The following MACROD2 variants were observed in gnomAD, a reference collection of about 807,000 sequenced individuals.
MACROD2 encodes mono-ADP ribosylhydrolase 2, also known as ADP-ribose glycohydrolase MACROD2.
Under a neutral mutation model 70.4 loss-of-function variants are expected in MACROD2, and 36 were observed. The observed-to-expected ratio is 0.51, with a 90% CI of 0.39 to 0.68. The LOEUF (loss-of-function observed/expected upper bound fraction) is 0.68, where lower values mean the gene tolerates loss of function less well. Ranked by LOEUF, MACROD2 falls within the 30% of genes least tolerant of loss-of-function variation. The probability of loss-of-function intolerance (pLI) is 0.00; values close to 1 mark genes in which losing one functional copy is unlikely to be tolerated. For synonymous variants in MACROD2, 172 were observed against 178.8 expected (o/e 0.96, Z 0.30); for missense variants, 496 against 538.4 (o/e 0.92, Z 0.78).
chr20:14,239,565 A>G (rs187730220), intron 3 of MACROD2, among the ~76,000 whole-genome samples: 1 of 152,316 alleles, frequency 6.6e-6, no homozygotes, highest in Admixed American at 6.5e-5. Context: ...AATGCCATAT[A>G]CCTACAACCA....
chr20:14,643,522 G>T (rs1219409278), intron 4 of MACROD2, among the ~76,000 whole-genome samples: 1 of 152,162 alleles, frequency 6.6e-6, no homozygotes, highest in Non-Finnish European at 1.5e-5. Flanking sequence ...ATTAAGACAG[G>T]CTTGATGAGC....
chr20:15,963,308 A>T (rs2066090887), intron 12 of MACROD2, among the ~76,000 whole-genome samples: 1 of 152,152 alleles, frequency 6.6e-6, no homozygotes, highest in Non-Finnish European at 1.5e-5. Context: ...TAGAAGTTCT[A>T]CGCCAAAATG....
chr20:14,754,947 G>A (rs2071920892), intron 5 of MACROD2, among the ~76,000 whole-genome samples: 2 of 151,840 alleles, frequency 1.3e-5, no homozygotes, highest in African/African-American at 2.4e-5. Flanking sequence ...GTGTTTTTAA[G>A]GTCTCATGAC....
intron 5 of MACROD2, among the ~76,000 whole-genome samples, chr20:14,863,652 CATT>C (rs2073396967): frequency 6.6e-6 from 1 of 152,000 alleles, no homozygotes; most frequent in African/African-American, 2.4e-5. Flanking sequence ...ATATATATAA[CATT>C]AATATCATGC....
At chr20:15,879,462 C>T (rs2064722249) in intron 9 of MACROD2, among the ~76,000 whole-genome samples, 1 of 152,046 alleles carries the variant, frequency 6.6e-6, no homozygotes, top group Non-Finnish European at 1.5e-5. Flanking sequence ...TATGTAATGG[C>T]ACATTAGGTG....
intron 10 of MACROD2, among the ~76,000 whole-genome samples, chr20:15,907,821 G>A (rs2065170844): frequency 6.6e-6 from 1 of 152,168 alleles, no homozygotes; most frequent in Admixed American, 6.5e-5. Context: ...TTTAAAAAGG[G>A]CTGTGTGCTC....
rs1050238657 is a variant in MACROD2, at chr20:14,015,466, A to G, written c.163+13062A>G. On this transcript the variant is annotated intron_variant, in intron 2 of 17. Transcript: ENST00000684519. ...GTGGTGTGCACTTGTTGTCCCACCT[A>G]TTCAGGAGGCTGAAGTAGGAGGATT... Among the ~76,000 whole-genome samples, 154 of 152,304 alleles carry G rather than the reference A, an allele frequency of 1.0e-3. 1 individual carries two copies. The highest frequency in any genetic ancestry group is 1.8e-4 in the Non-Finnish European group (12 of 68,018).
chr20:14,297,032 C>A (rs981455316), intron 3 of MACROD2, among the ~76,000 whole-genome samples: 1 of 151,644 alleles, frequency 6.6e-6, no homozygotes, highest in African/African-American at 2.4e-5. Context: ...TTATGGTGAT[C>A]TGTGGTTAGT....
At chr20:14,449,368 T>C (rs915166476) in intron 3 of MACROD2, among the ~76,000 whole-genome samples, 3 of 152,154 alleles carry the variant, frequency 2.0e-5, no homozygotes, top group Non-Finnish European at 4.4e-5. Context: ...TACTTATTAT[T>C]GTGCTTGGCA....
At chr20:14,633,056 G>A (rs975220900) in intron 4 of MACROD2, among the ~76,000 whole-genome samples, 3 of 152,222 alleles carry the variant, frequency 2.0e-5, no homozygotes, top group East Asian at 3.8e-4. Context: ...GCTCTGCTGC[G>A]TTCCCGCAGA....
At chr20:14,536,618 G>A (rs562744062) in intron 4 of MACROD2, among the ~76,000 whole-genome samples, 3 of 140,576 alleles carry the variant, frequency 2.1e-5, no homozygotes, top group East Asian at 2.1e-4. Context: ...AACCCAATAG[G>A]TAACATTGGT....
At chr20:15,246,049 C>T (rs191984281) in intron 6 of MACROD2, among the ~76,000 whole-genome samples, 1 of 152,250 alleles carries the variant, frequency 6.6e-6, no homozygotes, top group East Asian at 1.9e-4. Flanking sequence ...ATGTAACGAA[C>T]CATAGGCTAG....
chr20:14,605,511 G>A (rs1199398222), intron 4 of MACROD2, among the ~76,000 whole-genome samples: 2 of 152,120 alleles, frequency 1.3e-5, no homozygotes, highest in Non-Finnish European at 2.9e-5. Context: ...CCACTCGTAG[G>A]TGCTGATGGT....
chr20:14,327,474 G>A (rs752914876), intron 3 of MACROD2: 66 of 1,612,996 alleles, frequency 4.1e-5, no homozygotes, highest in East Asian at 3.3e-4. Context: ...TTTTAGTCCC[G>A]ATGAGGAAGA....
chr20:14,899,226 T>G (rs981416156), intron 5 of MACROD2, among the ~76,000 whole-genome samples: 4 of 152,210 alleles, frequency 2.6e-5, no homozygotes, highest in Admixed American at 1.3e-4. Flanking sequence ...AGTGTCACTT[T>G]CCTCTGCTTA....
intron 4 of MACROD2, among the ~76,000 whole-genome samples, chr20:14,537,884 A>G (rs2085385888): frequency 6.6e-6 from 1 of 152,164 alleles, no homozygotes; most frequent in East Asian, 1.9e-4. Flanking sequence ...CAGGAAGGAA[A>G]CAGGAACCTC....
chr20:14,001,854 T>C (rs1322368068), intron 1 of MACROD2, among the ~76,000 whole-genome samples: 1 of 152,148 alleles, frequency 6.6e-6, no homozygotes. Flanking sequence ...AAACTCACTA[T>C]CTTGAGGCTA....
chr20:15,372,111 ATCAAT>A (rs2045502173), intron 6 of MACROD2, among the ~76,000 whole-genome samples: 1 of 152,196 alleles, frequency 6.6e-6, no homozygotes, highest in Non-Finnish European at 1.5e-5. Flanking sequence ...GTCACATTTA[ATCAAT>A]TCATTTCATC....
intron 5 of MACROD2, among the ~76,000 whole-genome samples, chr20:14,769,313 T>G (rs1215882438): frequency 1.3e-5 from 2 of 152,154 alleles, no homozygotes; most frequent in Non-Finnish European, 2.9e-5. Flanking sequence ...ATCTTATTTC[T>G]TTACCCACCT....
Sources: gnomAD v4.1 joint callset for allele counts (sites outside exome capture counted in the v4.1 genomes callset) on GRCh38, gnomAD v4.1.1 for gene constraint, MANE v1.5 for transcripts, NCBI Gene and HGNC (gene_info 2026-07-23, HGNC 2026-07-21) for gene names.